Variants in RPN2 observed in about 807,000 individuals in gnomAD.
The protein encoded by RPN2 is dolichyl-diphosphooligosaccharide--protein glycosyltransferase subunit 2.
In RPN2, 29 loss-of-function variants were observed where a neutral mutation model predicts 71.4. The observed-to-expected ratio is 0.41, with a 90% CI of 0.30 to 0.55. RPN2 has a LOEUF of 0.55. RPN2 is among the 20% of genes least tolerant of loss of function. The pLI, the probability that RPN2 is intolerant of heterozygous loss-of-function variation, is 0.35. For missense variants in RPN2, 726 were observed against 774.1 expected (o/e 0.94, Z 0.74); for synonymous variants, 308 against 305.0 (o/e 1.01, Z -0.10).
At chr20:37,184,038 C>T (rs1454894136) in intron 1 of RPN2, 142 bp from the exon 2 acceptor site, 1 of 941,010 alleles carries the variant, frequency 1.1e-6, no homozygotes, top group Non-Finnish European at 1.7e-6. Flanking sequence ...CTTCCCAAGG[C>T]TTCTCCTCAG....
At chr20:37,193,079 G>T (rs914818660) in intron 2 of RPN2, among the ~76,000 whole-genome samples, 5 of 152,152 alleles carry the variant, frequency 3.3e-5, no homozygotes, top group African/African-American at 7.2e-5. Flanking sequence ...AGTGAGCTAC[G>T]ATCATGCCAC....
At chr20:37,189,493 A>G (rs2067093604) in intron 2 of RPN2, among the ~76,000 whole-genome samples, 1 of 152,212 alleles carries the variant, frequency 6.6e-6, no homozygotes, top group Non-Finnish European at 1.5e-5. Context: ...TGCTAATCGC[A>G]GCTATATGAG....
intron 4 of RPN2, among the ~76,000 whole-genome samples, chr20:37,201,970 C>A (rs2067400373): frequency 6.6e-6 from 1 of 152,204 alleles, no homozygotes; most frequent in East Asian, 1.9e-4. Flanking sequence ...AAGATAAGAT[C>A]TGCTTTCTTA....
intron 11 of RPN2, among the ~76,000 whole-genome samples, chr20:37,226,786 C>T (rs1266875012): frequency 6.6e-6 from 1 of 152,096 alleles, no homozygotes; most frequent in Non-Finnish European, 1.5e-5. Flanking sequence ...CACTCAGATA[C>T]CCCCACTCCC....
At chr20:37,236,256 C>T (rs2068387250) in intron 15 of RPN2, among the ~76,000 whole-genome samples, 1 of 151,962 alleles carries the variant, frequency 6.6e-6, no homozygotes, top group Non-Finnish European at 1.5e-5. Context: ...TTACGCCTGA[C>T]TAATTTTTTG....
rs2067302059 is a variant in RPN2, at chr20:37,198,405, T to TACCTACATCAGATCTA, written c.221_236dup (p.Asp80HisfsTer4). 1 of 1,614,246 alleles carries TACCTACATCAGATCTA rather than the reference T, an allele frequency of 6.2e-7. No individual in the cohort carries two copies. The highest frequency in any genetic ancestry group is 8.5e-7 in the Non-Finnish European group (1 of 1,180,046). ...TTTTCCCCACTGTGTAGAAAGCATG[T>TACCTACATCAGATCTA]ACCTACATCAGATCTAACCTTGATC... On this transcript the variant is annotated frameshift_variant, in exon 3 of 17. Transcript: ENST00000237530. LOFTEE classifies it high-confidence loss of function.
At chr20:37,182,715 A>G (rs2066914189) in intron 1 of RPN2, among the ~76,000 whole-genome samples, 2 of 152,142 alleles carry the variant, frequency 1.3e-5, no homozygotes, top group Admixed American at 6.6e-5. Context: ...TTTTTCAAGG[A>G]TTCTAGTTCA....
intron 9 of RPN2, among the ~76,000 whole-genome samples, chr20:37,219,634 C>A (rs541823479): frequency 2.0e-5 from 3 of 152,136 alleles, no homozygotes; most frequent in Non-Finnish European, 4.4e-5. Context: ...TCTAAGATGC[C>A]ATTATGTAAT....
chr20:37,238,614 T>G (rs1327561122), intron 16 of RPN2, among the ~76,000 whole-genome samples: 2 of 152,200 alleles, frequency 1.3e-5, no homozygotes, highest in Non-Finnish European at 2.9e-5. Context: ...TAGATGAGGT[T>G]GTGACTGGAC....
At position 37,236,577 on chromosome 20, in the gene RPN2, C is replaced by T; in HGVS notation, c.1754-3C>T. On this transcript the variant is annotated splice_region_variant and splice_polypyrimidine_tract_variant and intron_variant, in intron 15 of 16. Transcript: ENST00000237530. ...TTGGATGTCATGACACCTCTTCTTG[C>T]AGCTATGCTGGGACTCATGTATGTC... The T allele has an allele frequency of 6.2e-7, 1 of 1,614,078 alleles. No homozygotes were observed. The highest frequency in any genetic ancestry group is 8.5e-7 in the Non-Finnish European group (1 of 1,179,948).
chr20:37,227,510 G>A (rs1290295446), intron 11 of RPN2, among the ~76,000 whole-genome samples: 1 of 152,174 alleles, frequency 6.6e-6, no homozygotes, highest in Non-Finnish European at 1.5e-5. Context: ...TGCTGTAGTT[G>A]GGATGCTTCA....
At chr20:37,189,054 C>T (rs560638304) in intron 2 of RPN2, among the ~76,000 whole-genome samples, 1 of 152,270 alleles carries the variant, frequency 6.6e-6, no homozygotes, top group East Asian at 1.9e-4. Flanking sequence ...CAGCCTCAGC[C>T]TCCCAAGTAG....
At chr20:37,183,089 A>G (rs1329688541) in intron 1 of RPN2, among the ~76,000 whole-genome samples, 2 of 152,230 alleles carry the variant, frequency 1.3e-5, no homozygotes, top group Non-Finnish European at 2.9e-5. Flanking sequence ...TTACGCTGTT[A>G]AAGTTGTAGA....
rs199865928 is a variant in RPN2 at position 37,184,400 on chromosome 20, A to G, written c.207+27A>G. ...TAAGGCTGCTTTTGTCCTGGTGGTC[A>G]GGGTGGTTCAGGAGAACCTTCATCC... On this transcript the variant is annotated intron_variant, in intron 2 of 16. Transcript: ENST00000237530. 4 of 1,596,158 alleles carry G rather than the reference A, an allele frequency of 2.5e-6. No individual in the cohort carries two copies. The African/African-American group carries it at 4.0e-5, about 16-fold the overall frequency.
chr20:37,213,808 T>C lies in RPN2; in HGVS notation c.1035T>C (p.Tyr345=). The C allele has an allele frequency of 6.2e-7, 1 of 1,614,176 alleles. No homozygotes were observed. Among genetic ancestry groups the C allele is most frequent in the African/African-American group, 1.3e-5 (1 of 75,080 alleles). ...NFMNVKFSSG[Y]YDFLVEVEGD... is the part of the protein sequence containing the mutation. Reference sequence around the variant, plus strand: ...TGAACGTCAAATTTTCCAGTGGTTATTATGACTTCCTTGTCGAAGTTGAAG... The same window carrying C: ...TGAACGTCAAATTTTCCAGTGGTTACTATGACTTCCTTGTCGAAGTTGAAG... Residue 345 remains tyrosine (Y), a synonymous_variant, in exon 9 of 17, where the codon TAT becomes TAC. Transcript: ENST00000237530.
chr20:37,196,538 C>CT (rs557062792), intron 2 of RPN2, among the ~76,000 whole-genome samples: 90 of 151,886 alleles, frequency 5.9e-4, no homozygotes, highest in African/African-American at 2.0e-3. Context: ...CAGCCTTTTT[C>CT]TTTTTTTTGA....
At chr20:37,237,196 T>G (rs779498276) in intron 16 of RPN2, among the ~76,000 whole-genome samples, 1 of 152,028 alleles carries the variant, frequency 6.6e-6, no homozygotes, top group Non-Finnish European at 1.5e-5. Flanking sequence ...GCAAGGAGTA[T>G]CTCCTCAGTA....
intron 2 of RPN2, among the ~76,000 whole-genome samples, chr20:37,194,883 A>G (rs1482313589): frequency 2.6e-5 from 4 of 152,192 alleles, no homozygotes; most frequent in Admixed American, 2.6e-4. Context: ...AGAGGCAGCC[A>G]GAGTAGCGGG....
intron 1 of RPN2, among the ~76,000 whole-genome samples, chr20:37,182,812 G>A (rs1448588249): frequency 6.6e-6 from 1 of 152,216 alleles, no homozygotes; most frequent in Non-Finnish European, 1.5e-5. Context: ...TTGGGTGCCA[G>A]ACAATGCACT....
Sources: allele counts gnomAD v4.1 joint callset (sites outside exome capture counted in the v4.1 genomes callset), GRCh38; gene constraint gnomAD v4.1.1; transcripts MANE v1.5; gene names NCBI Gene and HGNC (gene_info 2026-07-23, HGNC 2026-07-21).